The following ASPM variants were observed in gnomAD, a reference collection of about 807,000 sequenced individuals.
ASPM encodes assembly factor for spindle microtubules.
ASPM carries 256 observed loss-of-function variants against 366.4 expected under a neutral mutation model. The ratio of observed to expected loss-of-function variants is 0.70; its 90% CI spans 0.63 to 0.77. ASPM has a LOEUF of 0.77. Among genes scored for constraint, ASPM ranks in the 30% least tolerant of loss-of-function variants. The pLI, the probability that ASPM is intolerant of heterozygous loss-of-function variation, is 0.00. For missense variants in ASPM, 4,146 were observed against 4,090.4 expected (o/e 1.01, Z -0.37); for synonymous variants, 1,414 against 1,342.9 (o/e 1.05, Z -1.16).
At position 197,100,570 on chromosome 1, in the gene ASPM, C is replaced by G. The variant is rs558511858; in HGVS notation, c.8681G>C (p.Arg2894Thr). The part of the protein sequence containing the change: ...KAAVVLQNHY[R>T]AFLSAKHQRQ... ...TTGATGTTTTGCAGACAGAAATGCT[C>G]TGTAGTGATTTTGTAAAACCACTGC... Residue 2894 changes from arginine to threonine, a missense_variant, in exon 18 of 28, where the codon AGA (arginine) becomes ACA (threonine). Coordinates refer to ENST00000367409, the MANE Select transcript of ASPM (RefSeq NM_018136.5). 2.6e-5 allele frequency: 42 copies of G among 1,611,874 alleles called. No individual in the cohort carries two copies. In the South Asian group the frequency reaches 4.6e-4, roughly 18 times the overall value.
In ASPM at chr1:197,143,113, TG is replaced by T; in HGVS notation, c.1138del (p.Gln380ArgfsTer3). On this transcript the variant is annotated frameshift_variant, in exon 3 of 28. Transcript: ENST00000367409. LOFTEE classifies it high-confidence loss of function. ...SFIKDNYGLN[Q>X]DLESESVNPI... ...ATTAACTGACTCTGATTCTAGATCCTGATTTAGTCCATAATTATCTTTTATG... is the reference window on the plus strand; with the variant it reads ...ATTAACTGACTCTGATTCTAGATCCTATTTAGTCCATAATTATCTTTTATG... 1 of 1,612,686 alleles carries T rather than the reference TG, an allele frequency of 6.2e-7. No individual in the cohort carries two copies. Among genetic ancestry groups the T allele is most frequent in the East Asian group, 2.2e-5 (1 of 44,832 alleles).
chr1:197,126,901 G>C (rs1658107545), intron 10 of ASPM, among the ~76,000 whole-genome samples: 1 of 152,112 alleles, frequency 6.6e-6, no homozygotes, highest in South Asian at 2.1e-4. Context: ...CCAACACTGT[G>C]AACTGGTTGT....
rs545544887 is a variant in ASPM, at chr1:197,107,365, T to C, written c.4066-2180A>G. On this transcript the variant is annotated intron_variant, in intron 17 of 27. Transcript: ENST00000367409. Reference sequence around the variant, plus strand: ...TGTAAAGGCTTTCAAAAAGGAACTGTCACTGAAGCTACGCTCATGGAAGGC... The same window carrying C: ...TGTAAAGGCTTTCAAAAAGGAACTGCCACTGAAGCTACGCTCATGGAAGGC... Among the ~76,000 whole-genome samples the C allele has an allele frequency of 2.3e-4, 35 of 152,226 alleles. No homozygotes were observed. In the East Asian group the frequency reaches 6.0e-3, roughly 26 times the overall value.
At chr1:197,129,352 T>C (rs773676125) in intron 8 of ASPM, 35 bp from the exon 9 acceptor site, 6 of 1,604,628 alleles carry the variant, frequency 3.7e-6, no homozygotes, top group Non-Finnish European at 4.3e-6. Flanking sequence ...AGCAAGTTAA[T>C]CTATGAAAGG....
chr1:197,117,931 G>A lies in ASPM; in HGVS notation c.3923C>T (p.Ala1308Val), dbSNP rs772634007. ...AACTCTTTTTCTCAATCTTTGTTTT[G>A]CTAGAAAATTGATTACAGCCAATTG... ...IIQLAVINFL[A>V]KQRLRKRVNA... The change falls in exon 17 of 28, where the codon GCA (alanine) becomes GTA (valine). Residue 1308 changes from alanine (A) to valine (V), a missense_variant. This residue lies in a region of ASPM where 3,624 missense variants were observed against 3,591.7 expected (regional missense o/e 1.01). Transcript: ENST00000367409. 8 of 1,613,280 alleles carry A rather than the reference G, an allele frequency of 5.0e-6. No homozygotes were observed. The highest frequency in any genetic ancestry group is 6.8e-6 in the Non-Finnish European group (8 of 1,179,634).
In ASPM at chr1:197,117,921, T is replaced by A. The variant is rs932857038; in HGVS notation, c.3933A>T (p.Arg1311Ser). The A allele has an allele frequency of 6.8e-6, 11 of 1,613,658 alleles. No homozygotes were observed. The highest frequency in any genetic ancestry group is 1.1e-5 in the South Asian group (1 of 91,078). Residue 1311 changes from arginine to serine, a missense_variant, in exon 17 of 28, where the codon AGA (arginine) becomes AGT (serine). By Grantham distance (110) the Arg-to-Ser change is moderately radical. Transcript: ENST00000367409. ...GTGCTGCATTAACTCTTTTTCTCAATCTTTGTTTTGCTAGAAAATTGATTA... is the reference window on the plus strand; with the variant it reads ...GTGCTGCATTAACTCTTTTTCTCAAACTTTGTTTTGCTAGAAAATTGATTA... ...LAVINFLAKQ[R>S]LRKRVNAALV...
chr1:197,103,651 G>T lies in ASPM; in HGVS notation c.5600C>A (p.Thr1867Lys), dbSNP rs753900028. The T allele has an allele frequency of 4.2e-5, 68 of 1,612,822 alleles. No individual in the cohort carries two copies. The East Asian group carries it at 1.4e-3, about 33-fold the overall frequency. Residue 1867 changes from threonine (T) to lysine (K), a missense_variant, in exon 18 of 28, where the codon ACA (threonine) becomes AAA (lysine). Transcript: ENST00000367409. ...WYRAYKTLHD[T>K]RTHFLKTKAA... ...CTTTGTCTTCAAAAAATGTGTTCTT[G>T]TATCATGAAGAGTCTTGTACGCCCT...
chr1:197,141,594 C>A (rs1006269188), intron 3 of ASPM, among the ~76,000 whole-genome samples: 1 of 152,100 alleles, frequency 6.6e-6, no homozygotes, highest in African/African-American at 2.4e-5. Context: ...CCTCTCCCTG[C>A]AACCATTTTC....
chr1:197,098,371 A>G (rs1657047448), intron 18 of ASPM, among the ~76,000 whole-genome samples: 1 of 151,668 alleles, frequency 6.6e-6, no homozygotes, highest in Admixed American at 6.6e-5. Flanking sequence ...AGTATGTTTT[A>G]AAATTCCAGG....
intron 20 of ASPM, 43 bp from the exon 21 acceptor site, chr1:197,093,304 A>C: frequency 6.6e-7 from 1 of 1,504,586 alleles, no homozygotes; most frequent in African/African-American, 1.4e-5. Flanking sequence ...GGTAGAAAGA[A>C]AAAGATTTCC....
Position 197,129,199 on chromosome 1 carries a change from A to G in ASPM, c.2748T>C (p.Asp916=). ...IDHDPCLFCK[D]AEFKASKEIL... is the part of the protein sequence containing the mutation. ...ATGAAAAGCATACCTTGAATTCGGC[A>G]TCTTTACAGAAGAGACAAGGATCAT... Residue 916 remains aspartate (D), a synonymous_variant, in exon 9 of 28, where the codon GAT becomes GAC. Transcript: ENST00000367409. 6.2e-7 allele frequency: 1 copy of G among 1,612,518 alleles called. No individual in the cohort carries two copies. The highest frequency in any genetic ancestry group is 8.5e-7 in the Non-Finnish European group (1 of 1,178,900).
chr1:197,098,502 G>C (rs932265771), intron 18 of ASPM, among the ~76,000 whole-genome samples: 6 of 151,458 alleles, frequency 4.0e-5, no homozygotes, highest in Admixed American at 2.6e-4. Context: ...TGTTATTTTG[G>C]CTATTTAATC....
chr1:197,099,851 G>A (rs573631734), intron 18 of ASPM, among the ~76,000 whole-genome samples: 11 of 151,704 alleles, frequency 7.3e-5, no homozygotes, highest in South Asian at 2.1e-4. Context: ...CTCTCTCTAT[G>A]CAACATTGGC....
intron 4 of ASPM, chr1:197,138,872 G>A (rs1410685898): frequency 1.5e-5 from 14 of 947,268 alleles, no homozygotes; most frequent in African/African-American, 3.2e-5. Context: ...TCTCTTCTTC[G>A]AGCTTCCTTA....
intron 13 of ASPM, among the ~76,000 whole-genome samples, chr1:197,122,944 T>C (rs1207913412): frequency 3.3e-5 from 5 of 152,152 alleles, no homozygotes; most frequent in Admixed American, 6.6e-5. Context: ...ATTCTCGTTA[T>C]TTGTGAATAT....
chr1:197,140,698 A>G (rs755565551), intron 3 of ASPM, among the ~76,000 whole-genome samples: 1 of 152,164 alleles, frequency 6.6e-6, no homozygotes, highest in Non-Finnish European at 1.5e-5. Flanking sequence ...AAAAACCCTC[A>G]TTTATATTTA....
intron 4 of ASPM, among the ~76,000 whole-genome samples, chr1:197,137,700 C>A (rs1658461955): frequency 6.6e-6 from 1 of 152,208 alleles, no homozygotes; most frequent in Admixed American, 6.5e-5. Context: ...GGGCAGGTCA[C>A]AAACTCCTGA....
In ASPM at chr1:197,124,182, A is replaced by G; in HGVS notation, c.3318T>C (p.Phe1106=). 1.9e-6 allele frequency: 3 copies of G among 1,612,950 alleles called. No individual in the cohort carries two copies. The highest frequency in any genetic ancestry group is 2.5e-6 in the Non-Finnish European group (3 of 1,179,278). ...KKKGKRDSGS[F]EQYSENIKLL... ...ACTTTATGTTTTCACTATATTGTTC[A>G]AAGGAACCACTATCCCTTTTGCCTT... Residue 1106 remains phenylalanine, a synonymous_variant, in exon 13 of 28, where the codon TTT becomes TTC. Transcript: ENST00000367409.
At position 197,117,967 on chromosome 1, in the gene ASPM, G is replaced by T; in HGVS notation, c.3887C>A (p.Ala1296Glu). The T allele has an allele frequency of 6.2e-7, 1 of 1,613,160 alleles. No homozygotes were observed. The highest frequency in any genetic ancestry group is 1.1e-5 in the South Asian group (1 of 91,060). Reference sequence around the variant, plus strand: ...GATTACAGCCAATTGAATAATTCTTGCAGCTTTCTCTCTCTCCTAAAATAA... The same window carrying T: ...GATTACAGCCAATTGAATAATTCTTTCAGCTTTCTCTCTCTCCTAAAATAA... The part of the protein sequence containing the change: ...LKRHQEREKA[A>E]RIIQLAVINF... Residue 1296 changes from alanine to glutamate, a missense_variant, in exon 17 of 28, where the codon GCA (alanine) becomes GAA (glutamate). Ala to Glu is a moderately radical substitution (Grantham distance 107). This residue lies in a region of ASPM where 3,624 missense variants were observed against 3,591.7 expected (regional missense o/e 1.01). Transcript: ENST00000367409.
Sources: gnomAD v4.1 joint callset for allele counts (sites outside exome capture counted in the v4.1 genomes callset) on GRCh38, gnomAD v4.1.1 for gene constraint, gnomAD v4.1.1 regional missense constraint, MANE v1.5 for transcripts, NCBI Gene and HGNC (gene_info 2026-07-23, HGNC 2026-07-21) for gene names.